MBNL1: variants seen among roughly 807,000 people sequenced by gnomAD.
MBNL1 encodes the protein muscleblind-like protein 1.
MBNL1 carries 8 observed loss-of-function variants against 42.2 expected under a neutral mutation model. The ratio of observed to expected loss-of-function variants is 0.19; its 90% confidence interval spans 0.11 to 0.34. The LOEUF (loss-of-function observed/expected upper bound fraction) is 0.34. MBNL1 is among the 10% of genes least tolerant of loss of function. The pLI is 1.00. For missense variants in MBNL1, 309 were observed against 495.3 expected (o/e 0.62, Z 3.57); for synonymous variants, 169 against 173.9 (o/e 0.97, Z 0.22).
At chr3:152,423,021 C>T (rs1481547132) in intron 3 of MBNL1, among the ~76,000 whole-genome samples, 2 of 152,290 alleles carry the variant, frequency 1.3e-5, no homozygotes, top group South Asian at 2.1e-4. Flanking sequence ...GACACCTGAA[C>T]ATCACGATTA....
At chr3:152,349,213 G>A (rs535722066) in intron 2 of MBNL1, among the ~76,000 whole-genome samples, 1 of 152,144 alleles carries the variant, frequency 6.6e-6, no homozygotes, top group East Asian at 1.9e-4. Flanking sequence ...TGAAATACTT[G>A]AATAACAGTT....
At chr3:152,259,895 T>C (rs2035983311) in intron 2 of MBNL1, among the ~76,000 whole-genome samples, 1 of 152,230 alleles carries the variant, frequency 6.6e-6, no homozygotes. Context: ...TGTTTATCTG[T>C]TTAGATTCAC....
At chr3:152,305,670 T>TA (rs1180216117) in intron 2 of MBNL1, among the ~76,000 whole-genome samples, 1 of 152,124 alleles carries the variant, frequency 6.6e-6, no homozygotes, top group African/African-American at 2.4e-5. Context: ...GCAACTTAAG[T>TA]AAAAGCAACT....
intron 2 of MBNL1, among the ~76,000 whole-genome samples, chr3:152,246,931 C>T (rs929572092): frequency 6.6e-6 from 1 of 151,960 alleles, no homozygotes; most frequent in African/African-American, 2.4e-5. Context: ...GAATGATCTG[C>T]TTATAGAGGG....
chr3:152,249,338 T>C (rs938890420), intron 2 of MBNL1, among the ~76,000 whole-genome samples: 15 of 141,762 alleles, frequency 1.1e-4, no homozygotes, highest in Non-Finnish European at 2.2e-4. Context: ...TATCTCATTG[T>C]GGTTTTGATT....
rs6808699 is a variant in MBNL1 at position 152,312,160 on chromosome 3, C to A, written c.174+11793C>A. ...TGAGCCGAGATCCCGCCACTGCACT[C>A]CAGCCTGGGCGACAGAGCGAGACTC... On this transcript the variant is annotated intron_variant, in intron 2 of 9. Transcript: ENST00000324210. Among the ~76,000 whole-genome samples the A allele has an allele frequency of 5.6e-3, 821 of 145,688 alleles. 7 individuals carry two copies. The highest frequency in any genetic ancestry group is 0.02 in the African/African-American group (793 of 39,062).
chr3:152,278,896 G>A (rs2046833785), intron 1 of MBNL1, among the ~76,000 whole-genome samples: 1 of 152,092 alleles, frequency 6.6e-6, no homozygotes, highest in Non-Finnish European at 1.5e-5. Flanking sequence ...ATACAATTGG[G>A]TTGAGGAGAA....
intron 2 of MBNL1, among the ~76,000 whole-genome samples, chr3:152,320,408 A>G (rs2075734027): frequency 6.6e-6 from 1 of 152,100 alleles, no homozygotes; most frequent in African/African-American, 2.4e-5. Flanking sequence ...GACTCATGCC[A>G]TGTTTTGTAT....
rs150088272 is a variant in MBNL1 at position 152,373,599 on chromosome 3, G to T, written c.175-41342G>T. Among the ~76,000 whole-genome samples, 11 of 152,238 alleles carry T rather than the reference G, an allele frequency of 7.2e-5. No individual in the cohort carries two copies. In the East Asian group the frequency reaches 1.9e-3, roughly 27 times the overall value. On this transcript the variant is annotated intron_variant, in intron 2 of 9. Coordinates refer to ENST00000324210, the MANE Select transcript of MBNL1 (RefSeq NM_021038.5). ...ACCCCTTGAGCTTACCGTGTGAGGT[G>T]ATGCACCCCCCCTGCTTTGGCTCGT...
At chr3:152,377,256 T>C (rs1001160421) in intron 2 of MBNL1, among the ~76,000 whole-genome samples, 2 of 152,218 alleles carry the variant, frequency 1.3e-5, no homozygotes, top group Non-Finnish European at 2.9e-5. Flanking sequence ...GCCTGGTCCT[T>C]GTTTTTATGT....
intron 2 of MBNL1, among the ~76,000 whole-genome samples, chr3:152,390,222 G>A (rs181654026): frequency 6.7e-6 from 1 of 148,312 alleles, no homozygotes; most frequent in East Asian, 2.0e-4. Flanking sequence ...TTGTACATCT[G>A]TACAAAAACT....
intron 2 of MBNL1, among the ~76,000 whole-genome samples, chr3:152,360,619 C>T (rs1423374533): frequency 6.6e-6 from 1 of 152,048 alleles, no homozygotes; most frequent in Non-Finnish European, 1.5e-5. Context: ...TTAGGGCTCC[C>T]ATAGAACTCT....
At chr3:152,409,004 T>A (rs868023929) in intron 2 of MBNL1, among the ~76,000 whole-genome samples, 1 of 152,182 alleles carries the variant, frequency 6.6e-6, no homozygotes, top group Admixed American at 6.5e-5. Flanking sequence ...CCAAGTCCTT[T>A]ACGGAAACAA....
chr3:152,452,609 T>A (rs1047382668), intron 6 of MBNL1, among the ~76,000 whole-genome samples: 6 of 152,170 alleles, frequency 3.9e-5, no homozygotes, highest in African/African-American at 1.4e-4. Context: ...CAGGCTCCCA[T>A]GCCCTTGAGG....
At chr3:152,291,822 G>C (rs947270753) in intron 1 of MBNL1, among the ~76,000 whole-genome samples, 3 of 152,132 alleles carry the variant, frequency 2.0e-5, no homozygotes, top group African/African-American at 7.2e-5. Flanking sequence ...TGTTACCTAG[G>C]CTAGAGTGTA....
chr3:152,410,821 T>C (rs1452437082), intron 2 of MBNL1, among the ~76,000 whole-genome samples: 2 of 152,228 alleles, frequency 1.3e-5, no homozygotes, highest in African/African-American at 4.8e-5. Flanking sequence ...CAAATACACA[T>C]TGATTAAGAG....
chr3:152,306,518 A>ACT (rs1284148374), intron 2 of MBNL1, among the ~76,000 whole-genome samples: 1 of 152,202 alleles, frequency 6.6e-6, no homozygotes, highest in Non-Finnish European at 1.5e-5. Flanking sequence ...TTTTAAGCAA[A>ACT]GGTTCTCTGA....
chr3:152,440,980 G>C (rs1937095902), intron 4 of MBNL1, among the ~76,000 whole-genome samples: 1 of 151,960 alleles, frequency 6.6e-6, no homozygotes, highest in African/African-American at 2.4e-5. Flanking sequence ...TCTTAATATT[G>C]GCCATTAACT....
intron 2 of MBNL1, chr3:152,340,666 T>TTA: frequency 6.2e-7 from 1 of 1,614,026 alleles, no homozygotes. Flanking sequence ...TGTTAGAATC[T>TTA]TATTCGCATA....
Sources: allele counts gnomAD v4.1 joint callset (sites outside exome capture counted in the v4.1 genomes callset), GRCh38; gene constraint gnomAD v4.1.1; transcripts MANE v1.5; gene names NCBI Gene and HGNC (gene_info 2026-07-23, HGNC 2026-07-21).